Variants in NTM observed in about 807,000 individuals in gnomAD.
The protein encoded by NTM is IgLON family member 2.
A neutral mutation model predicts 42.1 loss-of-function variants in NTM; 13 were observed. That is an observed-to-expected ratio of 0.31 (90% CI 0.20 to 0.49). The LOEUF is 0.49. NTM is among the 20% of genes least tolerant of loss of function. The probability of loss-of-function intolerance (pLI) is 0.99; values close to 1 mark genes in which losing one functional copy is unlikely to be tolerated. For missense variants in NTM, 373 were observed against 452.8 expected, an observed-to-expected ratio of 0.82 and a Z score of 1.60; for synonymous variants, 187 against 179.2, an observed-to-expected ratio of 1.04 and a Z score of -0.35.
chr11:131,590,140 C>T (rs1429306608), intron 1 of NTM, among the ~76,000 whole-genome samples: 2 of 152,188 alleles, frequency 1.3e-5, no homozygotes, highest in Admixed American at 6.5e-5. Flanking sequence ...TACTGGGAGG[C>T]TCATTCTCAT....
intron 1 of NTM, among the ~76,000 whole-genome samples, chr11:131,851,948 C>A (rs935988020): frequency 2.0e-5 from 3 of 152,016 alleles, no homozygotes; most frequent in South Asian, 4.2e-4. Flanking sequence ...GCATTTAATC[C>A]CCTAAATCAA....
intron 1 of NTM, among the ~76,000 whole-genome samples, chr11:131,415,702 G>A (rs1591604724): frequency 6.6e-6 from 1 of 152,082 alleles, no homozygotes; most frequent in Non-Finnish European, 1.5e-5. Flanking sequence ...AAAATGTGGG[G>A]GTGAGGCCCA....
chr11:132,033,067 C>G (rs963023991), intron 2 of NTM, among the ~76,000 whole-genome samples: 4 of 152,186 alleles, frequency 2.6e-5, no homozygotes, highest in Non-Finnish European at 5.9e-5. Context: ...AACCTCATAG[C>G]TTTACCTCTG....
intron 2 of NTM, among the ~76,000 whole-genome samples, chr11:132,132,973 A>G (rs1247806820): frequency 1.3e-5 from 2 of 152,222 alleles, no homozygotes; most frequent in African/African-American, 2.4e-5. Flanking sequence ...TCATTGCAAA[A>G]TCTTACAATC....
intron 1 of NTM, among the ~76,000 whole-genome samples, chr11:131,725,608 C>T (rs789544): frequency 0.14 from 21,033 of 152,076 alleles, 1,754 homozygotes; most frequent in South Asian, 0.22. Flanking sequence ...ACATCAAGGA[C>T]GTCACAGTAG....
Position 131,380,586 on chromosome 11 carries a change from G to C in NTM, c.82+9698G>C, listed in dbSNP as rs117978203. On this transcript the variant is annotated intron_variant, in intron 1 of 8. Coordinates refer to ENST00000683400, the MANE Select transcript of NTM (RefSeq NM_001352005.2). Reference sequence around the variant, plus strand: ...TACTGTTCATATCCACAACCTGTTAGTGTAGGTGACCTATTTACATGTCTA... The same window carrying C: ...TACTGTTCATATCCACAACCTGTTACTGTAGGTGACCTATTTACATGTCTA... Among the ~76,000 whole-genome samples, 7 of 152,184 alleles carry C rather than the reference G, an allele frequency of 4.6e-5. No individual in the cohort carries two copies. In the East Asian group the frequency reaches 1.4e-3, roughly 29 times the overall value.
At chr11:132,151,949 ACT>A (rs1356498757) in intron 3 of NTM, among the ~76,000 whole-genome samples, 3 of 151,920 alleles carry the variant, frequency 2.0e-5, no homozygotes, top group Admixed American at 2.0e-4. Context: ...CCTATTTCTG[ACT>A]CTCTCTCTTA....
intron 2 of NTM, among the ~76,000 whole-genome samples, chr11:132,090,843 C>T (rs1176592057): frequency 6.6e-6 from 1 of 152,172 alleles, no homozygotes; most frequent in East Asian, 1.9e-4. Flanking sequence ...AGAGTTTACA[C>T]TTGCTGCTGT....
intron 2 of NTM, among the ~76,000 whole-genome samples, chr11:132,056,345 C>T (rs960556051): frequency 2.6e-5 from 4 of 152,176 alleles, no homozygotes; most frequent in African/African-American, 9.7e-5. Flanking sequence ...AAAATAGCAG[C>T]TCCACTTGTA....
intron 4 of NTM, among the ~76,000 whole-genome samples, chr11:132,250,323 C>A (rs749463859): frequency 6.6e-6 from 1 of 152,146 alleles, no homozygotes; most frequent in Non-Finnish European, 1.5e-5. Flanking sequence ...TTGGATTTGG[C>A]TTTTTGCAAG....
chr11:131,661,789 A>G (rs2134474738), intron 1 of NTM, among the ~76,000 whole-genome samples: 1 of 152,258 alleles, frequency 6.6e-6, no homozygotes, highest in South Asian at 2.1e-4. Flanking sequence ...GTTGCCAACA[A>G]TCCACTGATA....
At chr11:131,905,324 A>G (rs1311519605) in intron 1 of NTM, among the ~76,000 whole-genome samples, 2 of 152,236 alleles carry the variant, frequency 1.3e-5, no homozygotes, top group Non-Finnish European at 2.9e-5. Context: ...GAATGAATCC[A>G]TGACTGCATG....
chr11:132,252,411 C>A (rs4937684), intron 4 of NTM, among the ~76,000 whole-genome samples: 3,795 of 152,056 alleles, frequency 0.025, 76 homozygotes, highest in Non-Finnish European at 0.037. Flanking sequence ...TACTGTTCAG[C>A]CACCCATTTT....
chr11:131,498,630 C>T (rs975917083), intron 1 of NTM, among the ~76,000 whole-genome samples: 1 of 152,140 alleles, frequency 6.6e-6, no homozygotes, highest in Non-Finnish European at 1.5e-5. Context: ...AATGCTAATT[C>T]CCCCAGCCTG....
At chr11:131,990,773 G>C (rs936731922) in intron 2 of NTM, among the ~76,000 whole-genome samples, 1 of 152,168 alleles carries the variant, frequency 6.6e-6, no homozygotes, top group African/African-American at 2.4e-5. Context: ...ATGTAGCATG[G>C]AGGATTTTGT....
chr11:132,175,168 A>T (rs1393725331), intron 3 of NTM, among the ~76,000 whole-genome samples: 1 of 152,146 alleles, frequency 6.6e-6, no homozygotes, highest in African/African-American at 2.4e-5. Context: ...ATTTTTAATT[A>T]AAGGTTTGGG....
chr11:132,025,646 G>A (rs1220436871), intron 2 of NTM, among the ~76,000 whole-genome samples: 1 of 152,166 alleles, frequency 6.6e-6, no homozygotes, highest in African/African-American at 2.4e-5. Flanking sequence ...GGATTGCCTG[G>A]GGAGCTTTGG....
At chr11:131,871,618 A>G (rs1292723161) in intron 1 of NTM, among the ~76,000 whole-genome samples, 1 of 152,236 alleles carries the variant, frequency 6.6e-6, no homozygotes, top group East Asian at 1.9e-4. Flanking sequence ...TAGTTTATCA[A>G]TATGAATACT....
chr11:132,004,158 G>A (rs2070138184), intron 2 of NTM, among the ~76,000 whole-genome samples: 1 of 152,116 alleles, frequency 6.6e-6, no homozygotes, highest in Non-Finnish European at 1.5e-5. Context: ...GGAATGAGGG[G>A]GGCATTGGGA....
Sources: gnomAD v4.1 joint callset for allele counts (sites outside exome capture counted in the v4.1 genomes callset) on GRCh38, gnomAD v4.1.1 for gene constraint, MANE v1.5 for transcripts, NCBI Gene and HGNC (gene_info 2026-07-23, HGNC 2026-07-21) for gene names.